Variants in POU3F3 observed in about 807,000 individuals in gnomAD.
The protein encoded by POU3F3 is POU class 3 homeobox 3, also known as POU domain, class 3, transcription factor 3.
Under a neutral mutation model 8.6 loss-of-function variants are expected in POU3F3, and 1 was observed. The observed-to-expected ratio is 0.12, with a 90% CI of 0.04 to 0.55. The LOEUF (loss-of-function observed/expected upper bound fraction) is 0.55, where lower values mean the gene tolerates loss of function less well. Among genes scored for constraint, POU3F3 ranks in the 20% least tolerant of loss-of-function variants. The pLI is 0.91. For synonymous variants in POU3F3, 418 were observed against 327.4 expected (o/e 1.28, Z -2.99); for missense variants, 577 against 690.7 (o/e 0.84, Z 1.84).
Position 104,856,281 on chromosome 2 carries a change from G to C in POU3F3, c.771G>C (p.Pro257=). 6.8e-7 allele frequency: 1 copy of C among 1,462,438 alleles called. No individual in the cohort carries two copies. The highest frequency in any genetic ancestry group is 1.5e-5 in the African/African-American group (1 of 67,934). 90.6% of individuals were successfully genotyped at this position (1,462,438 alleles called of 1,614,324 possible). A position where few individuals can be genotyped will look rare whatever the true frequency, so the allele number is the denominator to read the frequency against. ...AGGGAQSLVH[P]GLVRGDTPEL... is the part of the protein sequence containing the mutation. ...GTGGAGCCCAGAGCTTGGTGCACCCGGGGCTGGTGCGCGGGGACACGCCAG... is the reference window on the plus strand; with the variant it reads ...GTGGAGCCCAGAGCTTGGTGCACCCCGGGCTGGTGCGCGGGGACACGCCAG... Residue 257 remains proline (P), a synonymous_variant, in exon 1 of 1, where the codon CCG becomes CCC. Transcript: ENST00000361360.
the POU3F3 span, chr2:104,866,096 T>G: frequency 6.6e-6 from 1 of 152,262 alleles, no homozygotes; most frequent in Admixed American, 6.5e-5. Context: ...AGCACAGCTT[T>G]AAAAACGTTT....
At chr2:104,917,719 C>G in the POU3F3 span, among the ~76,000 whole-genome samples, 1 of 152,170 alleles carries the variant, frequency 6.6e-6, no homozygotes, top group Non-Finnish European at 1.5e-5. Flanking sequence ...TCCAGGAACA[C>G]TACATGAATA....
chr2:104,870,883 T>G, the POU3F3 span, among the ~76,000 whole-genome samples: 1 of 152,222 alleles, frequency 6.6e-6, no homozygotes, highest in South Asian at 2.1e-4. Flanking sequence ...CACAGTAGCC[T>G]TTACACCAAT....
At chr2:104,891,070 G>A in the POU3F3 span, among the ~76,000 whole-genome samples, 2 of 152,170 alleles carry the variant, frequency 1.3e-5, no homozygotes, top group African/African-American at 4.8e-5. Flanking sequence ...GTAAGCTGGA[G>A]AAAGTAGGCT....
the POU3F3 span, among the ~76,000 whole-genome samples, chr2:104,871,625 T>C: frequency 2.0e-5 from 3 of 152,246 alleles, no homozygotes; most frequent in African/African-American, 7.2e-5. Flanking sequence ...TAAGGGAAAG[T>C]ACTTTTGTTA....
the POU3F3 span, among the ~76,000 whole-genome samples, chr2:104,910,278 G>A: frequency 6.6e-6 from 1 of 152,262 alleles, no homozygotes; most frequent in Non-Finnish European, 1.5e-5. Context: ...TCAAATGAAA[G>A]TCAAGTTTGG....
the POU3F3 span, among the ~76,000 whole-genome samples, chr2:104,904,400 A>G: frequency 6.6e-6 from 1 of 152,162 alleles, no homozygotes; most frequent in Non-Finnish European, 1.5e-5. Flanking sequence ...GGGTATAGCA[A>G]AAAGTCCTGG....
In POU3F3 at chr2:104,856,392, C is replaced by A; in HGVS notation, c.882C>A (p.His294Gln). 2.0e-6 allele frequency: 3 copies of A among 1,534,732 alleles called. No individual in the cohort carries two copies. The highest frequency in any genetic ancestry group is 2.6e-6 in the Non-Finnish European group (3 of 1,143,382). ...HPHHAQGPPH[H>Q]GGGGGGAGPG... ...ACCACGCGCAGGGACCCCCGCACCA[C>A]GGCGGCGGCGGCGGCGGCGCGGGGC... Residue 294 changes from histidine to glutamine, a missense_variant, in exon 1 of 1, where the codon CAC (histidine) becomes CAA (glutamine). Around this residue, in one of 7 missense-constraint regions of POU3F3, gnomAD observed 484 missense variants for 422.6 expected, o/e 1.15. Coordinates refer to ENST00000361360, the MANE Select transcript of POU3F3 (RefSeq NM_006236.3).
the POU3F3 span, among the ~76,000 whole-genome samples, chr2:104,917,146 C>A: frequency 6.6e-6 from 1 of 152,192 alleles, no homozygotes; most frequent in African/African-American, 2.4e-5. Context: ...GGGATGAGAC[C>A]CACACCACTA....
the POU3F3 span, among the ~76,000 whole-genome samples, chr2:104,926,640 T>C: frequency 5.3e-5 from 8 of 152,210 alleles, no homozygotes; most frequent in Non-Finnish European, 1.2e-4. Context: ...TAAAGACACA[T>C]GCAAATGTAT....
the POU3F3 span, among the ~76,000 whole-genome samples, chr2:104,927,570 C>T: frequency 6.6e-6 from 1 of 151,930 alleles, no homozygotes; most frequent in Non-Finnish European, 1.5e-5. Flanking sequence ...CGCTGGGCAA[C>T]ACAGTGAGGC....
chr2:104,872,300 AC>A, the POU3F3 span: 1 of 456,590 alleles, frequency 2.2e-6, no homozygotes, highest in South Asian at 1.5e-5. This position sits in a 1 kb window ranked among gnomAD's most constrained non-coding sequence, Gnocchi z 4.6. Flanking sequence ...CTTCGGGACA[AC>A]ATTTGAAACC....
the POU3F3 span, among the ~76,000 whole-genome samples, chr2:104,869,575 A>T: frequency 6.6e-6 from 1 of 152,164 alleles, no homozygotes; most frequent in African/African-American, 2.4e-5. Flanking sequence ...TTCCTCATGC[A>T]CTTTGGGAGA....
At chr2:104,896,160 C>T in the POU3F3 span, among the ~76,000 whole-genome samples, 1 of 152,210 alleles carries the variant, frequency 6.6e-6, no homozygotes, top group South Asian at 2.1e-4. Flanking sequence ...CTCCCAGCTC[C>T]AAGGAAGCCA....
the POU3F3 span, among the ~76,000 whole-genome samples, chr2:104,887,649 T>C: frequency 6.6e-6 from 1 of 152,200 alleles, no homozygotes; most frequent in African/African-American, 2.4e-5. Flanking sequence ...TTTCTAAAGT[T>C]TGAGCAGAAA....
At chr2:104,899,488 G>A in the POU3F3 span, among the ~76,000 whole-genome samples, 1 of 152,172 alleles carries the variant, frequency 6.6e-6, no homozygotes, top group Non-Finnish European at 1.5e-5. Flanking sequence ...GTGTGTCATA[G>A]TCTATTATGG....
At chr2:104,912,999 G>A in the POU3F3 span, among the ~76,000 whole-genome samples, 12 of 152,242 alleles carry the variant, frequency 7.9e-5, no homozygotes, top group South Asian at 2.1e-4. Context: ...CTCAAGATGC[G>A]TGTTTTTATT....
the POU3F3 span, among the ~76,000 whole-genome samples, chr2:104,881,029 T>C: frequency 6.6e-6 from 1 of 152,250 alleles, no homozygotes; most frequent in Non-Finnish European, 1.5e-5. Flanking sequence ...CTTATAGATT[T>C]TAGACCCTTA....
At chr2:104,906,691 A>G in the POU3F3 span, among the ~76,000 whole-genome samples, 2 of 152,100 alleles carry the variant, frequency 1.3e-5, no homozygotes, top group Non-Finnish European at 2.9e-5. Flanking sequence ...GCAGATTTTT[A>G]TAGTTTTCTC....
Sources: allele counts gnomAD v4.1 joint callset (sites outside exome capture counted in the v4.1 genomes callset), GRCh38; gene constraint gnomAD v4.1.1; regional missense constraint gnomAD v4.1.1; non-coding constraint Gnocchi (gnomAD v3.1); transcripts MANE v1.5; gene names NCBI Gene and HGNC (gene_info 2026-07-23, HGNC 2026-07-21).